The following SPSB1 variants were observed in gnomAD, a reference collection of about 807,000 sequenced individuals.
SPSB1 encodes SPRY domain-containing SOCS box protein 1.
SPSB1 carries 8 observed loss-of-function variants against 21.2 expected under a neutral mutation model. That is an observed-to-expected ratio of 0.38 (90% CI 0.22 to 0.68). SPSB1 has a LOEUF of 0.68. Among genes scored for constraint, SPSB1 ranks in the 30% least tolerant of loss-of-function variants. SPSB1 has a pLI of 0.53. For missense variants in SPSB1, 242 were observed against 377.8 expected (o/e 0.64, Z 2.98); for synonymous variants, 169 against 161.7 (o/e 1.05, Z -0.34).
chr1:9,325,074 G>A (rs1441896119), intron 1 of SPSB1, among the ~76,000 whole-genome samples: 4 of 152,202 alleles, frequency 2.6e-5, no homozygotes, highest in African/African-American at 9.6e-5. Flanking sequence ...GGCTGCACTC[G>A]CTGGAAGCTG....
intron 1 of SPSB1, among the ~76,000 whole-genome samples, chr1:9,313,901 C>T (rs1239145054): frequency 3.9e-5 from 6 of 152,188 alleles, no homozygotes; most frequent in African/African-American, 9.6e-5. Flanking sequence ...ACTGGCCAGG[C>T]GCTGTGGCTC....
At chr1:9,361,433 C>T (rs930772982) in intron 2 of SPSB1, among the ~76,000 whole-genome samples, 5 of 152,094 alleles carry the variant, frequency 3.3e-5, no homozygotes, top group Admixed American at 6.5e-5. Context: ...TCGACTTCCA[C>T]GAGGGGCAGC....
rs1391909214 is a variant in SPSB1, at chr1:9,356,133, C to T, written c.242C>T (p.Ala81Val). ...DKLIFHRHPVAQSTDAIRGKV... is the reference protein window; with the variant it reads ...DKLIFHRHPVVQSTDAIRGKV... Reference sequence around the variant, plus strand: ...CTCATCTTTCACCGGCATCCGGTGGCCCAGAGCACGGACGCTATCAGGGGC... The same window carrying T: ...CTCATCTTTCACCGGCATCCGGTGGTCCAGAGCACGGACGCTATCAGGGGC... Residue 81 changes from alanine to valine, a missense_variant, in exon 2 of 3, where the codon GCC becomes GTC. Transcript: ENST00000328089. This position sits in a 1 kb window ranked among gnomAD's most constrained non-coding sequence, Gnocchi z 7.4. 1 of 1,597,980 alleles carries T rather than the reference C, an allele frequency of 6.3e-7. No individual in the cohort carries two copies. The highest frequency in any genetic ancestry group is 8.6e-7 in the Non-Finnish European group (1 of 1,169,072).
Position 9,361,165 on chromosome 1 carries a change from T to C in SPSB1, c.694+4580T>C, listed in dbSNP as rs1217704262. Among the ~76,000 whole-genome samples, 1,360 of 140,242 alleles carry C rather than the reference T, an allele frequency of 9.7e-3. 109 individuals are homozygous for C. Among genetic ancestry groups the C allele is most frequent in the Non-Finnish European group, 0.015 (983 of 64,582 alleles). The allele number at this position is 140,242 out of a possible 152,430, so 92.0% of individuals were successfully genotyped here. A position where few individuals can be genotyped will look rare whatever the true frequency, so the allele number is the denominator to read the frequency against. On this transcript the variant is annotated intron_variant, in intron 2 of 2. Transcript: ENST00000328089. Reference sequence around the variant, plus strand: ...CTGGATCTGTCATTTTCTTTTTTTTTTTTTTTTTTTTTTTTTTTAGAGATG... The same window carrying C: ...CTGGATCTGTCATTTTCTTTTTTTTCTTTTTTTTTTTTTTTTTTAGAGATG...
At chr1:9,360,972 G>A (rs770284330) in intron 2 of SPSB1, among the ~76,000 whole-genome samples, 7 of 152,162 alleles carry the variant, frequency 4.6e-5, no homozygotes, top group South Asian at 2.1e-4. Context: ...CACCCCTACC[G>A]ATGCTGGGGT....
chr1:9,356,614 A>C lies in SPSB1; in HGVS notation c.694+29A>C. On this transcript the variant is annotated intron_variant, in intron 2 of 2. Transcript: ENST00000328089. The surrounding 1 kb of genome is among the most constrained non-coding windows in gnomAD (Gnocchi z 7.4). ...AGTGTCTCCTCTGCTGTCAGAGGCA[A>C]TGCCCTCCCTCAGTCCCCATGGTCC... 1 of 1,560,214 alleles carries C rather than the reference A, an allele frequency of 6.4e-7. No homozygotes were observed. The highest frequency in any genetic ancestry group is 1.2e-5 in the South Asian group (1 of 81,702).
Position 9,301,790 on chromosome 1 carries a change from C to T in SPSB1, c.-150+8719C>T, listed in dbSNP as rs534076968. On this transcript the variant is annotated intron_variant, in intron 1 of 2. Transcript: ENST00000328089. ...CCACTGGCTGCTAGTCTGCCAGAAG[C>T]GGAGACTAACACTGAGCTCCAGTAT... Among the ~76,000 whole-genome samples the T allele has an allele frequency of 9.8e-5, 15 of 152,302 alleles. No homozygotes were observed. The East Asian group carries it at 1.5e-3, about 16-fold the overall frequency.
chr1:9,314,074 G>T (rs903419520), intron 1 of SPSB1, among the ~76,000 whole-genome samples: 2 of 151,950 alleles, frequency 1.3e-5, no homozygotes, highest in Admixed American at 1.3e-4. Context: ...TACCTGGGAG[G>T]CTGAGGCAGG....
chr1:9,309,786 G>A (rs570845226), intron 1 of SPSB1, among the ~76,000 whole-genome samples: 1 of 152,176 alleles, frequency 6.6e-6, no homozygotes, highest in Admixed American at 6.5e-5. Flanking sequence ...AGTTTGCAGT[G>A]AGCCAAGACT....
chr1:9,320,476 G>A (rs572874062), intron 1 of SPSB1, among the ~76,000 whole-genome samples: 62 of 152,322 alleles, frequency 4.1e-4, no homozygotes, highest in African/African-American at 1.4e-3. Flanking sequence ...CGAGGGCTGG[G>A]AGAAGCCGTT....
chr1:9,309,110 G>A (rs1430728473), intron 1 of SPSB1, among the ~76,000 whole-genome samples: 3 of 151,986 alleles, frequency 2.0e-5, no homozygotes, highest in Non-Finnish European at 4.4e-5. Context: ...AGGCTGCAGA[G>A]CTGTGTAGCA....
chr1:9,309,301 A>AGAGT lies in SPSB1; in HGVS notation c.-150+16231_-150+16232insAGTG, dbSNP rs1245605413. Among the ~76,000 whole-genome samples, 847 of 133,186 alleles carry AGAGT rather than the reference A, an allele frequency of 6.4e-3. 2 individuals carry two copies. The highest frequency in any genetic ancestry group is 0.013 in the African/African-American group (444 of 33,490). The allele number at this position is 133,186 out of a possible 152,430, so 87.4% of individuals were successfully genotyped here. On this transcript the variant is annotated intron_variant, in intron 1 of 2. Coordinates refer to ENST00000328089, the MANE Select transcript of SPSB1 (RefSeq NM_025106.4). Reference sequence around the variant, plus strand: ...GAGAGTGTGAGAGAGAGAGAGAGAGAGTGTGTGTGTGTGTGTGTGTGTGTG... The same window carrying AGAGT: ...GAGAGTGTGAGAGAGAGAGAGAGAGAGAGTGTGTGTGTGTGTGTGTGTGTGTGTG...
chr1:9,355,782 C>T lies in SPSB1; in HGVS notation c.-110C>T. On this transcript the variant is annotated 5_prime_UTR_variant, in exon 2 of 3. Coordinates refer to ENST00000328089, the MANE Select transcript of SPSB1 (RefSeq NM_025106.4). The stretch of plus-strand genomic sequence containing the variant: ...TGCGCAGCTTGCAGAGGTCTCCTGG[C>T]AGCCCTCATTAGGAATTCTGTCTGG... 1 of 1,492,686 alleles carries T rather than the reference C, an allele frequency of 6.7e-7. No homozygotes were observed. The allele number at this position is 1,492,686 out of a possible 1,614,324, so 92.5% of individuals were successfully genotyped here. A position where few individuals can be genotyped will look rare whatever the true frequency, so the allele number is the denominator to read the frequency against.
At chr1:9,352,944 A>G (rs1350364079) in intron 1 of SPSB1, among the ~76,000 whole-genome samples, 2 of 144,788 alleles carry the variant, frequency 1.4e-5, no homozygotes, top group African/African-American at 2.5e-5. Context: ...CCCTGCTGCC[A>G]CAGTTGAGCG....
At chr1:9,306,682 A>C (rs140089434) in intron 1 of SPSB1, among the ~76,000 whole-genome samples, 1 of 152,154 alleles carries the variant, frequency 6.6e-6, no homozygotes, top group Non-Finnish European at 1.5e-5. Flanking sequence ...CATTTGCCAC[A>C]AAAGAGGAGC....
chr1:9,355,329 G>A (rs1295679017), intron 1 of SPSB1, among the ~76,000 whole-genome samples: 4 of 152,212 alleles, frequency 2.6e-5, no homozygotes, highest in East Asian at 1.9e-4. Flanking sequence ...CCTCTGAACC[G>A]CAAGGCAAGG....
chr1:9,334,852 C>G (rs1447177209), intron 1 of SPSB1, among the ~76,000 whole-genome samples: 1 of 152,240 alleles, frequency 6.6e-6, no homozygotes, highest in African/African-American at 2.4e-5. Context: ...TCAAGATTCA[C>G]TCATATAGCA....
At chr1:9,342,724 C>T (rs550844501) in intron 1 of SPSB1, among the ~76,000 whole-genome samples, 52 of 152,312 alleles carry the variant, frequency 3.4e-4, no homozygotes, top group African/African-American at 1.2e-3. Flanking sequence ...GCACACATCC[C>T]GGACTCCTCC....
rs771430034 is a variant in SPSB1 at position 9,367,454 on chromosome 1, C to G, written c.701C>G (p.Pro234Arg). Residue 234 changes from proline (P) to arginine (R), a missense_variant, in exon 3 of 3, where the codon CCG (proline) becomes CGG (arginine). Transcript: ENST00000328089. The surrounding 1 kb of genome is among the most constrained non-coding windows in gnomAD (Gnocchi z 5.9). The part of the protein sequence containing the change: ...MRYLNGLDPE[P>R]LPLMDLCRRS... ...AGTTTCTCTGTCTCCCCAGCCGAGC[C>G]GCTGCCGCTCATGGATTTGTGCCGT... 1 of 1,613,720 alleles carries G rather than the reference C, an allele frequency of 6.2e-7. No homozygotes were observed. Among genetic ancestry groups the G allele is most frequent in the Admixed American group, 1.7e-5 (1 of 60,024 alleles).
Sources: gnomAD v4.1 joint callset for allele counts (sites outside exome capture counted in the v4.1 genomes callset) on GRCh38, gnomAD v4.1.1 for gene constraint, Gnocchi (gnomAD v3.1) non-coding constraint, MANE v1.5 for transcripts, NCBI Gene and HGNC (gene_info 2026-07-23, HGNC 2026-07-21) for gene names.